The following GABRB1 variants were observed in gnomAD, a reference collection of about 807,000 sequenced individuals.
GABRB1 encodes the protein gamma-aminobutyric acid type A receptor subunit beta1, also known as gamma-aminobutyric acid receptor subunit beta-1.
Under a neutral mutation model 51.6 loss-of-function variants are expected in GABRB1, and 17 were observed. The observed-to-expected ratio is 0.33, with a 90% CI of 0.23 to 0.49. The LOEUF is 0.49. Among genes scored for constraint, GABRB1 ranks in the 20% least tolerant of loss-of-function variants. The probability of loss-of-function intolerance (pLI) is 0.99; values close to 1 mark genes in which losing one functional copy is unlikely to be tolerated. For synonymous variants in GABRB1, 247 were observed against 218.9 expected (o/e 1.13, Z -1.14); for missense variants, 410 against 600.6 (o/e 0.68, Z 3.32).
At chr4:47,144,613 G>A (rs111530172) in intron 3 of GABRB1, among the ~76,000 whole-genome samples, 6 of 151,964 alleles carry the variant, frequency 3.9e-5, no homozygotes, top group African/African-American at 1.2e-4. Flanking sequence ...AATGGATAAG[G>A]TAACTGAACC....
chr4:47,027,699 T>G (rs1317901569), upstream of GABRB1, among the ~76,000 whole-genome samples: 1 of 151,606 alleles, frequency 6.6e-6, no homozygotes, highest in Non-Finnish European at 1.5e-5. Context: ...ATTTTTAGAT[T>G]GTATTAAATT....
chr4:47,050,909 T>C (rs964160088), intron 3 of GABRB1, among the ~76,000 whole-genome samples: 11 of 152,164 alleles, frequency 7.2e-5, no homozygotes, highest in Non-Finnish European at 1.5e-4. Context: ...CTGGCTACCA[T>C]CTGTTCTAGA....
intron 4 of GABRB1, among the ~76,000 whole-genome samples, chr4:47,186,526 A>T (rs1318256424): frequency 6.6e-6 from 1 of 151,842 alleles, no homozygotes; most frequent in Non-Finnish European, 1.5e-5. Flanking sequence ...GTAACAAGAG[A>T]CATACATGAA....
intron 3 of GABRB1, among the ~76,000 whole-genome samples, chr4:47,134,563 A>T (rs907671841): frequency 3.3e-5 from 5 of 152,324 alleles, no homozygotes; most frequent in Admixed American, 1.3e-4. Context: ...TTGCTAAACA[A>T]TTGTATTAGA....
At chr4:47,383,819 C>T (rs1015919690) in intron 5 of GABRB1, among the ~76,000 whole-genome samples, 1 of 152,084 alleles carries the variant, frequency 6.6e-6, no homozygotes, top group African/African-American at 2.4e-5. Flanking sequence ...AGATATATTT[C>T]TAGCTAAAGA....
intron 4 of GABRB1, among the ~76,000 whole-genome samples, chr4:47,278,638 C>G (rs1436960670): frequency 6.6e-6 from 1 of 152,128 alleles, no homozygotes; most frequent in Non-Finnish European, 1.5e-5. Flanking sequence ...GCCTGGCCCT[C>G]AATGTCAATT....
chr4:47,404,528 C>CAA (rs1175767827), intron 7 of GABRB1, among the ~76,000 whole-genome samples: 1 of 150,742 alleles, frequency 6.6e-6, no homozygotes, highest in Non-Finnish European at 1.5e-5. Context: ...CACACACACA[C>CAA]ATCATTTCTG....
chr4:47,387,705 G>A, intron 5 of GABRB1, among the ~76,000 whole-genome samples: 1 of 152,158 alleles, frequency 6.6e-6, no homozygotes, highest in East Asian at 1.9e-4. Context: ...GACTTGGGCA[G>A]GCATGGGGGG....
At chr4:47,164,170 G>A (rs951424446) in intron 4 of GABRB1, among the ~76,000 whole-genome samples, 1 of 151,964 alleles carries the variant, frequency 6.6e-6, no homozygotes, top group Non-Finnish European at 1.5e-5. Flanking sequence ...CTTGACACCT[G>A]GGGATTACAA....
At chr4:47,122,836 C>T (rs947260903) in intron 3 of GABRB1, among the ~76,000 whole-genome samples, 1 of 152,184 alleles carries the variant, frequency 6.6e-6, no homozygotes. Context: ...CAAGTACTTT[C>T]TTCTTCCCCT....
chr4:47,387,709 T>G (rs375445328), intron 5 of GABRB1, among the ~76,000 whole-genome samples: 1 of 152,210 alleles, frequency 6.6e-6, no homozygotes. Flanking sequence ...TGGGCAGGCA[T>G]GGGGGGATCT....
chr4:47,308,508 C>T (rs950033760), intron 4 of GABRB1, among the ~76,000 whole-genome samples: 1 of 151,970 alleles, frequency 6.6e-6, no homozygotes, highest in African/African-American at 2.4e-5. Context: ...AGCTATTGTT[C>T]TCAAACAACA....
intron 5 of GABRB1, among the ~76,000 whole-genome samples, chr4:47,367,827 A>G (rs1010134886): frequency 3.3e-5 from 5 of 152,230 alleles, no homozygotes; most frequent in Non-Finnish European, 7.3e-5. Flanking sequence ...GCTCTGCTCC[A>G]AAAGGATGTA....
At chr4:47,407,929 A>C (rs939997321) in intron 8 of GABRB1, among the ~76,000 whole-genome samples, 2 of 152,078 alleles carry the variant, frequency 1.3e-5, no homozygotes, top group African/African-American at 4.8e-5. Context: ...TCATCTCTAC[A>C]AAAAATATAA....
At chr4:47,368,864 T>G (rs181961898) in intron 5 of GABRB1, among the ~76,000 whole-genome samples, 74 of 152,132 alleles carry the variant, frequency 4.9e-4, no homozygotes, top group Non-Finnish European at 7.6e-4. Flanking sequence ...TCGCAACACT[T>G]TGGGAGACCA....
intron 4 of GABRB1, among the ~76,000 whole-genome samples, chr4:47,244,616 G>T (rs1304847581): frequency 1.3e-5 from 2 of 152,060 alleles, no homozygotes; most frequent in Non-Finnish European, 2.9e-5. Context: ...TCTTGGGAGG[G>T]TGTATGTGTC....
chr4:47,329,477 C>CAT (rs1336379031), intron 5 of GABRB1, among the ~76,000 whole-genome samples: 12 of 148,216 alleles, frequency 8.1e-5, no homozygotes, highest in Non-Finnish European at 7.4e-5. Flanking sequence ...GAATATATAG[C>CAT]ATATATAAAG....
intron 8 of GABRB1, among the ~76,000 whole-genome samples, chr4:47,416,518 G>A (rs1020024577): frequency 6.0e-5 from 9 of 150,388 alleles, no homozygotes; most frequent in East Asian, 5.9e-4. Context: ...TGGCGCAATC[G>A]TGGCTCACTG....
intron 4 of GABRB1, among the ~76,000 whole-genome samples, chr4:47,311,679 T>TA (rs1724692524): frequency 6.6e-6 from 1 of 152,128 alleles, no homozygotes; most frequent in East Asian, 1.9e-4. Flanking sequence ...TGTAAGCGAA[T>TA]AAATTTGTGT....
Sources: allele counts gnomAD v4.1 joint callset (sites outside exome capture counted in the v4.1 genomes callset), GRCh38; gene constraint gnomAD v4.1.1; transcripts MANE v1.5; gene names NCBI Gene and HGNC (gene_info 2026-07-23, HGNC 2026-07-21).